GLIS2: variants seen among roughly 807,000 people sequenced by gnomAD.
GLIS2 encodes the protein zinc finger protein GLIS2.
A neutral mutation model predicts 35.6 loss-of-function variants in GLIS2; 14 were observed. That is an observed-to-expected ratio of 0.39 (90% confidence interval 0.26 to 0.61). The LOEUF is 0.61. GLIS2 is among the 20% of genes least tolerant of loss of function. The pLI is 0.48. For missense variants in GLIS2, 675 were observed against 713.4 expected (o/e 0.95, Z 0.61); for synonymous variants, 368 against 325.1 (o/e 1.13, Z -1.42).
Position 4,320,830 on chromosome 16 carries a change from C to G in GLIS2, c.-67+4576C>G, listed in dbSNP as rs1185285731. Among the ~76,000 whole-genome samples, 4 of 152,098 alleles carry G rather than the reference C, an allele frequency of 2.6e-5. No individual in the cohort carries two copies. Among genetic ancestry groups the G allele is most frequent in the Non-Finnish European group, 4.4e-5 (3 of 68,008 alleles). On this transcript the variant is annotated intron_variant, in intron 1 of 6. Transcript: ENST00000433375. The surrounding 1 kb of genome is among the most constrained non-coding windows in gnomAD (Gnocchi z 5.6). ...CTCCCTATTCTGAAGTCCCCCCAAC[C>G]CTGTGCTGGTGCTCGTCTCCCTGCC... is the stretch of plus-strand genomic sequence containing the variant.
chr16:4,328,556 C>A (rs1456166427), intron 1 of GLIS2, among the ~76,000 whole-genome samples: 2 of 152,324 alleles, frequency 1.3e-5, no homozygotes, highest in East Asian at 3.9e-4. Flanking sequence ...AGGTGTAGGG[C>A]TGGGGGCAGC....
chr16:4,327,169 C>A (rs1468895540), intron 1 of GLIS2, among the ~76,000 whole-genome samples: 1 of 152,208 alleles, frequency 6.6e-6, no homozygotes, highest in Non-Finnish European at 1.5e-5. Context: ...GCTGGGCTTA[C>A]AGGCGTCAGC....
chr16:4,316,415 C>T (rs1234999192), intron 1 of GLIS2, among the ~76,000 whole-genome samples, 161 bp downstream of exon 1: 1 of 150,692 alleles, frequency 6.6e-6, no homozygotes. Context: ...CGCGTTCGCT[C>T]GCTCGCTGGC....
In GLIS2 at chr16:4,337,663, T is replaced by A; in HGVS notation, c.*139T>A. On this transcript the variant is annotated 3_prime_UTR_variant, in exon 7 of 7. Transcript: ENST00000433375. ...CCCAGCCCGCCGGGAGCAAGGATGG[T>A]GCTAGGTCATTCATGGCTGGCCTCC... The A allele has an allele frequency of 7.9e-7, 1 of 1,265,492 alleles. No homozygotes were observed. The highest frequency in any genetic ancestry group is 1.1e-6 in the Non-Finnish European group (1 of 906,618). The allele number at this position is 1,265,492 out of a possible 1,614,324, so 78.4% of individuals were successfully genotyped here. A position where few individuals can be genotyped will look rare whatever the true frequency, so the allele number is the denominator to read the frequency against.
At chr16:4,330,888 G>A (rs1003465076) in intron 1 of GLIS2, among the ~76,000 whole-genome samples, 3 of 152,210 alleles carry the variant, frequency 2.0e-5, no homozygotes, top group Admixed American at 2.0e-4. Flanking sequence ...TGACGCCCAC[G>A]CTGGAAGGTT....
intron 1 of GLIS2, among the ~76,000 whole-genome samples, chr16:4,319,520 C>T (rs1347911862): frequency 2.0e-5 from 3 of 152,156 alleles, no homozygotes. Context: ...GCGCCCTGCC[C>T]CAGCCTGCTG....
intron 2 of GLIS2, 115 bp from the exon 3 acceptor site, chr16:4,333,232 C>T: frequency 8.7e-7 from 1 of 1,144,128 alleles, no homozygotes; most frequent in Non-Finnish European, 1.3e-6. Flanking sequence ...TTCGTGTGGT[C>T]TGGGGGCATG....
intron 1 of GLIS2, among the ~76,000 whole-genome samples, chr16:4,329,788 G>A (rs1002859417): frequency 3.9e-5 from 6 of 152,232 alleles, no homozygotes; most frequent in African/African-American, 1.4e-4. Flanking sequence ...TACCGCGAAA[G>A]ACGGGATCTC....
intron 1 of GLIS2, among the ~76,000 whole-genome samples, chr16:4,323,605 C>T (rs1239451036): frequency 6.6e-6 from 1 of 152,130 alleles, no homozygotes; most frequent in African/African-American, 2.4e-5. Context: ...CCGGTGTCAC[C>T]CTCCCTGCTG....
Position 4,337,464 on chromosome 16 carries a change from C to A in GLIS2, c.1515C>A (p.Ala505=). 1 of 1,576,420 alleles carries A rather than the reference C, an allele frequency of 6.3e-7. No individual in the cohort carries two copies. The highest frequency in any genetic ancestry group is 2.3e-5 in the East Asian group (1 of 43,470). The part of the protein sequence containing the change: ...NSAASSPEAL[A]PGWVVIPPGS... ...CTGCCAGCAGCCCAGAGGCGTTGGC[C>A]CCTGGCTGGGTGGTCATCCCGCCGG... Residue 505 remains alanine, a synonymous_variant, in exon 7 of 7, where the codon GCC becomes GCA. Coordinates refer to ENST00000433375, the MANE Select transcript of GLIS2 (RefSeq NM_032575.3).
rs550229362 is a variant in GLIS2 at position 4,330,156 on chromosome 16, A to G, written c.-66-2059A>G. 3.3e-4 allele frequency among the ~76,000 whole-genome samples: 51 copies of G among 152,320 alleles called. No individual in the cohort carries two copies. The Middle Eastern group carries it at 0.01, about 30-fold the overall frequency. ...GCTGGGTGTGATGGTGTACACCTGT[A>G]ATCCCAGCTACTTGGGAGGCTGAGG... On this transcript the variant is annotated intron_variant, in intron 1 of 6. Transcript: ENST00000433375.
Position 4,336,894 on chromosome 16 carries a change from G to A in GLIS2, c.945G>A (p.Lys315=). The A allele has an allele frequency of 1.9e-6, 3 of 1,613,204 alleles. No homozygotes were observed. The highest frequency in any genetic ancestry group is 2.5e-6 in the Non-Finnish European group (3 of 1,180,010). Residue 315 remains lysine (K), a synonymous_variant, in exon 7 of 7, where the codon AAG becomes AAA. Coordinates refer to ENST00000433375, the MANE Select transcript of GLIS2 (RefSeq NM_032575.3). ...TDPSSLRKHI[K]AHGHFVSHEQ... ...CCAGCTCACTGCGCAAGCACATCAA[G>A]GCCCATGGCCACTTTGTGTCCCACG...
intron 2 of GLIS2, 87 bp from the exon 3 acceptor site, chr16:4,333,260 A>G: frequency 1.3e-6 from 2 of 1,489,164 alleles, no homozygotes; most frequent in Non-Finnish European, 1.8e-6. Flanking sequence ...TCTGCTCCCA[A>G]GGTCACAGTG....
intron 1 of GLIS2, among the ~76,000 whole-genome samples, chr16:4,330,062 A>T (rs941267204): frequency 3.3e-5 from 5 of 152,180 alleles, no homozygotes; most frequent in Non-Finnish European, 5.9e-5. Flanking sequence ...AGATCACCTG[A>T]GGTCAGGAGT....
chr16:4,338,326 A>G lies in GLIS2; in HGVS notation c.*802A>G, dbSNP rs1004722287. On this transcript the variant is annotated 3_prime_UTR_variant, in exon 7 of 7. Transcript: ENST00000433375. Reference sequence around the variant, plus strand: ...GAGGTGCCAGGCCAGCTGTGGTGCCAAGATACTGAGTGACCTGGGCCCTGG... The same window carrying G: ...GAGGTGCCAGGCCAGCTGTGGTGCCGAGATACTGAGTGACCTGGGCCCTGG... 10 of 152,380 alleles carry G rather than the reference A, an allele frequency of 6.6e-5. 1 individual carries two copies. Among genetic ancestry groups the G allele is most frequent in the Admixed American group, 6.5e-4 (10 of 15,286 alleles). 9.4% of individuals were successfully genotyped at this position (152,380 alleles called of 1,614,324 possible).
chr16:4,336,733 C>G lies in GLIS2; in HGVS notation c.784C>G (p.Pro262Ala). 6.2e-7 allele frequency: 1 copy of G among 1,600,338 alleles called. No homozygotes were observed. Among genetic ancestry groups the G allele is most frequent in the Non-Finnish European group, 8.5e-7 (1 of 1,174,068 alleles). ...ACTGCACCACCCTGCAGGTGAGAAGCCCTACGTCTGCCCCTACGAGGGCTG... is the reference window on the plus strand; with the variant it reads ...ACTGCACCACCCTGCAGGTGAGAAGGCCTACGTCTGCCCCTACGAGGGCTG... ...IHNRSHTGEK[P>A]YVCPYEGCNK... Residue 262 changes from proline (P) to alanine (A), a missense_variant, in exon 7 of 7, where the codon CCC becomes GCC. Physicochemically the swap from Pro to Ala is conservative, Grantham distance 27 (BLOSUM62 -1). This residue lies in a region of GLIS2 where 133 missense variants were observed against 191.4 expected (regional missense o/e 0.69). Transcript: ENST00000433375.
At chr16:4,318,786 G>A (rs145568542) in intron 1 of GLIS2, among the ~76,000 whole-genome samples, 49 of 152,368 alleles carry the variant, frequency 3.2e-4, no homozygotes, top group Middle Eastern at 6.8e-3. Context: ...AGCCATATAG[G>A]AGGAAGAATG....
upstream of GLIS2, chr16:4,315,106 C>G (rs2053292866): frequency 6.6e-6 from 1 of 152,232 alleles, no homozygotes; most frequent in Admixed American, 6.5e-5. Context: ...GGATCTAGAC[C>G]TCCCGCGGCG....
chr16:4,335,098 C>T lies in GLIS2; in HGVS notation c.561C>T (p.Asp187=). 1 of 1,613,454 alleles carries T rather than the reference C, an allele frequency of 6.2e-7. No individual in the cohort carries two copies. The highest frequency in any genetic ancestry group is 8.5e-7 in the Non-Finnish European group (1 of 1,180,044). ...TTGAGCTCCTGCAAGACCTGGTGGA[C>T]CATGTCAACGATTACCATGTCAAGC... ...QLFELLQDLV[D]HVNDYHVKPE... is the part of the protein sequence containing the mutation. The change falls in exon 5 of 7, where the codon GAC becomes GAT. Residue 187 remains aspartate, a synonymous_variant. Coordinates refer to ENST00000433375, the MANE Select transcript of GLIS2 (RefSeq NM_032575.3). The surrounding 1 kb of genome is among the most constrained non-coding windows in gnomAD (Gnocchi z 4.6).
Sources: gnomAD v4.1 joint callset for allele counts (sites outside exome capture counted in the v4.1 genomes callset) on GRCh38, gnomAD v4.1.1 for gene constraint, gnomAD v4.1.1 regional missense constraint, Gnocchi (gnomAD v3.1) non-coding constraint, MANE v1.5 for transcripts, NCBI Gene and HGNC (gene_info 2026-07-23, HGNC 2026-07-21) for gene names.